The following GPC6 variants were observed in gnomAD, a reference collection of about 807,000 sequenced individuals.
GPC6 encodes the protein glypican 6.
In GPC6, 14 loss-of-function variants were observed where a neutral mutation model predicts 55.2. The observed-to-expected ratio is 0.25, with a 90% CI of 0.17 to 0.40. GPC6 has a LOEUF of 0.40. Ranked by LOEUF, GPC6 falls within the 10% of genes least tolerant of loss-of-function variation. The pLI is 1.00. For synonymous variants in GPC6, 278 were observed against 259.6 expected, an observed-to-expected ratio of 1.07 and a Z score of -0.68; for missense variants, 641 against 708.5, an observed-to-expected ratio of 0.90 and a Z score of 1.08.
chr13:93,743,614 G>A (rs1172622859), intron 2 of GPC6, among the ~76,000 whole-genome samples: 1 of 151,800 alleles, frequency 6.6e-6, no homozygotes, highest in Admixed American at 6.6e-5. Context: ...ACTCTTCTAT[G>A]AGCCAACTCT....
intron 1 of GPC6, among the ~76,000 whole-genome samples, chr13:93,416,750 C>T (rs977058152): frequency 1.3e-5 from 2 of 152,054 alleles, no homozygotes; most frequent in African/African-American, 4.8e-5. Context: ...TCTGTGTCCA[C>T]TGAATTCTCA....
chr13:94,022,880 C>G (rs1026748897), intron 3 of GPC6, among the ~76,000 whole-genome samples: 4 of 151,982 alleles, frequency 2.6e-5, no homozygotes, highest in African/African-American at 9.7e-5. Context: ...GGAGAAATGT[C>G]TTCATAAGTC....
intron 4 of GPC6, among the ~76,000 whole-genome samples, chr13:94,180,757 C>G (rs1346398756): frequency 6.6e-6 from 1 of 151,868 alleles, no homozygotes; most frequent in Admixed American, 6.6e-5. Context: ...TTTCAAAAAT[C>G]TACAGATTAA....
At chr13:93,821,300 G>A (rs1168744750) in intron 2 of GPC6, among the ~76,000 whole-genome samples, 4 of 151,976 alleles carry the variant, frequency 2.6e-5, no homozygotes, top group Non-Finnish European at 5.9e-5. Flanking sequence ...AAACTGTTAC[G>A]GTATTTCGTA....
intron 3 of GPC6, among the ~76,000 whole-genome samples, chr13:93,955,690 C>A (rs1879478841): frequency 6.6e-6 from 1 of 152,146 alleles, no homozygotes; most frequent in South Asian, 2.1e-4. Flanking sequence ...GTAACATGTT[C>A]TTTGGATTCA....
chr13:93,676,136 T>A (rs1031424040), intron 2 of GPC6, among the ~76,000 whole-genome samples: 630 of 7,118 alleles, frequency 0.089, 7 homozygotes, highest in Middle Eastern at 0.25. Context: ...AATATATATA[T>A]ATATATATAT....
intron 1 of GPC6, among the ~76,000 whole-genome samples, chr13:93,387,899 A>G (rs770585628): frequency 2.6e-5 from 4 of 152,180 alleles, no homozygotes; most frequent in Non-Finnish European, 5.9e-5. Flanking sequence ...ATAAGTTTCT[A>G]TTTCATCAGT....
chr13:93,379,144 C>T (rs912082789), intron 1 of GPC6, among the ~76,000 whole-genome samples: 28 of 152,116 alleles, frequency 1.8e-4, no homozygotes, highest in African/African-American at 6.8e-4. Context: ...AGTATCTTCT[C>T]CTGGGCTTAG....
At chr13:93,655,065 T>TA (rs1555320724) in intron 2 of GPC6, among the ~76,000 whole-genome samples, 1 of 143,278 alleles carries the variant, frequency 7.0e-6, no homozygotes, top group East Asian at 2.1e-4. Context: ...TTAGCCAGGA[T>TA]GTCTCGATCT....
At chr13:93,462,444 T>A (rs1388607196) in intron 1 of GPC6, among the ~76,000 whole-genome samples, 1 of 152,100 alleles carries the variant, frequency 6.6e-6, no homozygotes, top group East Asian at 1.9e-4. Flanking sequence ...AAGACTTGAA[T>A]TACTTTCCTC....
At chr13:93,417,467 T>A (rs1284878432) in intron 1 of GPC6, among the ~76,000 whole-genome samples, 2 of 152,100 alleles carry the variant, frequency 1.3e-5, no homozygotes, top group Non-Finnish European at 2.9e-5. Context: ...GAAACCATCA[T>A]GCAGAGGATC....
chr13:94,044,667 A>G (rs1235481023), intron 4 of GPC6, among the ~76,000 whole-genome samples: 4 of 151,890 alleles, frequency 2.6e-5, no homozygotes, highest in Admixed American at 2.6e-4. Flanking sequence ...GAGTCAAAAG[A>G]TAAGTACATA....
intron 4 of GPC6, among the ~76,000 whole-genome samples, chr13:94,113,631 G>C (rs991886639): frequency 6.6e-6 from 1 of 152,094 alleles, no homozygotes; most frequent in East Asian, 1.9e-4. Context: ...AAATGAAGGA[G>C]CCATAGGATG....
chr13:93,952,159 G>A lies in GPC6; in HGVS notation c.712-75570G>A, dbSNP rs564745939. 4.2e-4 allele frequency among the ~76,000 whole-genome samples: 64 copies of A among 152,154 alleles called. 2 individuals carry two copies. In the South Asian group the frequency reaches 0.013, roughly 32 times the overall value. On this transcript the variant is annotated intron_variant, in intron 3 of 8. Transcript: ENST00000377047. ...TCTAGGAACACAGGAAACATCTGGA[G>A]GAAGGAAGTTAGAGAAGAAAATTTG...
At chr13:93,304,263 CA>C (rs1359443156) in intron 1 of GPC6, among the ~76,000 whole-genome samples, 3 of 152,138 alleles carry the variant, frequency 2.0e-5, no homozygotes, top group African/African-American at 7.2e-5. Context: ...ACACTGCCAT[CA>C]GTGAAACTCT....
chr13:94,346,677 T>G (rs1878305865), intron 6 of GPC6, among the ~76,000 whole-genome samples: 1 of 148,250 alleles, frequency 6.7e-6, no homozygotes, highest in Non-Finnish European at 1.5e-5. Context: ...GCCGAGATCA[T>G]GCTACTGCAC....
intron 2 of GPC6, among the ~76,000 whole-genome samples, chr13:93,759,229 T>G (rs538441853): frequency 6.6e-6 from 1 of 152,258 alleles, no homozygotes; most frequent in East Asian, 1.9e-4. Flanking sequence ...TTGCCTCCCT[T>G]TCCAGACTTA....
chr13:94,264,206 C>A (rs1387113806), intron 4 of GPC6, among the ~76,000 whole-genome samples: 1 of 152,174 alleles, frequency 6.6e-6, no homozygotes, highest in East Asian at 1.9e-4. Flanking sequence ...TAGGCAAAAC[C>A]AAGGCTTCTA....
chr13:94,156,568 A>C (rs1887951857), intron 4 of GPC6, among the ~76,000 whole-genome samples: 1 of 152,142 alleles, frequency 6.6e-6, no homozygotes, highest in Non-Finnish European at 1.5e-5. Flanking sequence ...GACACACCTC[A>C]TTGACAAAGA....
Sources: gnomAD v4.1 joint callset for allele counts (sites outside exome capture counted in the v4.1 genomes callset) on GRCh38, gnomAD v4.1.1 for gene constraint, MANE v1.5 for transcripts, NCBI Gene and HGNC (gene_info 2026-07-23, HGNC 2026-07-21) for gene names.